The following NPEPPS variants were observed in gnomAD, a reference collection of about 807,000 sequenced individuals.
NPEPPS encodes aminopeptidase puromycin sensitive.
A neutral mutation model predicts 115.5 loss-of-function variants in NPEPPS; 14 were observed. The observed-to-expected ratio is 0.12, with a 90% CI of 0.08 to 0.19. The LOEUF (loss-of-function observed/expected upper bound fraction) is 0.19. Ranked by LOEUF, NPEPPS falls within the 10% of genes least tolerant of loss-of-function variation. NPEPPS has a pLI of 1.00. For synonymous variants in NPEPPS, 285 were observed against 390.6 expected (o/e 0.73, Z 3.19); for missense variants, 523 against 1,110.8 (o/e 0.47, Z 7.52).
intron 19 of NPEPPS, 47 bp from the exon 20 acceptor site, chr17:47,618,303 A>G (rs1305212404): frequency 7.8e-7 from 1 of 1,284,484 alleles, no homozygotes; most frequent in African/African-American, 1.5e-5. Flanking sequence ...TATGCAGAAC[A>G]TCCAAGGGAG....
chr17:47,526,846 T>A (rs1907454763), upstream of NPEPPS, among the ~76,000 whole-genome samples: 1 of 152,166 alleles, frequency 6.6e-6, no homozygotes, highest in South Asian at 2.1e-4. Flanking sequence ...TAGTCCCAGC[T>A]ACTCGCGAGG....
Position 47,531,379 on chromosome 17 carries a change from C to G in NPEPPS, c.79C>G (p.Leu27Val), listed in dbSNP as rs1907751459. Residue 27 changes from leucine (L) to valine (V), a missense_variant, in exon 1 of 23, where the codon CTC becomes GTC. Leu to Val is a conservative substitution (Grantham distance 32). Coordinates refer to ENST00000322157, the MANE Select transcript of NPEPPS (RefSeq NM_006310.4). ...CCCTCCGCCTCCTCCCCTCCTCCTTCTCGTCTTCAGCCGCTCCTCTCGCCG... is the reference window on the plus strand; with the variant it reads ...CCCTCCGCCTCCTCCCCTCCTCCTTGTCGTCTTCAGCCGCTCCTCTCGCCG... ...LGPPPPPLLL[L>V]VFSRSSRRRL... 2 of 1,542,050 alleles carry G rather than the reference C, an allele frequency of 1.3e-6. No homozygotes were observed. Among genetic ancestry groups the G allele is most frequent in the East Asian group, 4.9e-5 (2 of 40,700 alleles).
At chr17:47,538,522 T>G (rs1418038590) in intron 1 of NPEPPS, among the ~76,000 whole-genome samples, 2 of 146,034 alleles carry the variant, frequency 1.4e-5, no homozygotes, top group Non-Finnish European at 3.0e-5. Flanking sequence ...TCCATATCTG[T>G]TTTCTTTTTT....
chr17:47,535,528 T>C (rs1467694691), intron 1 of NPEPPS, among the ~76,000 whole-genome samples: 10 of 138,198 alleles, frequency 7.2e-5, no homozygotes, highest in Non-Finnish European at 1.1e-4. Flanking sequence ...CCAGCCTGGG[T>C]GACAGAGCGA....
chr17:47,573,014 G>A (rs1911293781), intron 3 of NPEPPS, among the ~76,000 whole-genome samples: 1 of 152,152 alleles, frequency 6.6e-6, no homozygotes, highest in Non-Finnish European at 1.5e-5. Flanking sequence ...GACCTTAGGT[G>A]ATCTGCCCAC....
chr17:47,557,232 CA>C (rs1394949367), intron 2 of NPEPPS, among the ~76,000 whole-genome samples: 83 of 152,058 alleles, frequency 5.5e-4, no homozygotes, highest in African/African-American at 2.0e-3. Context: ...CATGTGCCAC[CA>C]CACCCAGCTA....
At chr17:47,615,045 C>T (rs1914105531) in intron 19 of NPEPPS, among the ~76,000 whole-genome samples, 1 of 150,784 alleles carries the variant, frequency 6.6e-6, no homozygotes, top group Non-Finnish European at 1.5e-5. Context: ...TACTGCTTTA[C>T]CCATGTTGTA....
chr17:47,601,701 A>G lies in NPEPPS; in HGVS notation c.1694A>G (p.Glu565Gly), dbSNP rs1410240001. Residue 565 changes from glutamate to glycine, a missense_variant, in exon 15 of 23, where the codon GAG becomes GGG. Physicochemically the swap from Glu to Gly is moderately conservative, Grantham distance 98. This residue lies in a region of NPEPPS where 372 missense variants were observed against 542.6 expected (regional missense o/e 0.69). Transcript: ENST00000322157. ...AKLKILMDKP[E>G]MNVVLKNVKP... ...CTAAAAATTCTAATGGACAAGCCAG[A>G]GATGAATGTGGTTTTGAAAAATGTC... 1 of 1,613,572 alleles carries G rather than the reference A, an allele frequency of 6.2e-7. No homozygotes were observed. The highest frequency in any genetic ancestry group is 1.3e-5 in the African/African-American group (1 of 74,910).
chr17:47,534,147 A>G (rs1908021362), intron 1 of NPEPPS, among the ~76,000 whole-genome samples: 1 of 152,002 alleles, frequency 6.6e-6, no homozygotes, highest in African/African-American at 2.4e-5. Flanking sequence ...GCTGGAGTGC[A>G]GTGGCACGAT....
intron 1 of NPEPPS, among the ~76,000 whole-genome samples, chr17:47,535,476 G>A (rs190825568): frequency 0.098 from 14,707 of 150,000 alleles, 905 homozygotes; most frequent in Middle Eastern, 0.14. Flanking sequence ...GTGTGAACCC[G>A]GGAGGCGGAG....
At chr17:47,525,220 T>C (rs1215301515) in intron 1 of NPEPPS, among the ~76,000 whole-genome samples, 4 of 152,204 alleles carry the variant, frequency 2.6e-5, no homozygotes, top group African/African-American at 7.2e-5. Flanking sequence ...GGGTTTATTC[T>C]TGACTTGCTG....
intron 1 of NPEPPS, among the ~76,000 whole-genome samples, chr17:47,524,971 G>C (rs1006002031): frequency 4.6e-5 from 7 of 151,540 alleles, no homozygotes; most frequent in African/African-American, 1.7e-4. Flanking sequence ...ATTTTCAAAG[G>C]TGTGGTAAAC....
At chr17:47,588,480 C>G (rs1912321572) in intron 9 of NPEPPS, among the ~76,000 whole-genome samples, 1 of 151,852 alleles carries the variant, frequency 6.6e-6, no homozygotes, top group Non-Finnish European at 1.5e-5. Flanking sequence ...AGAAGAATCA[C>G]TTGAACCTGG....
rs1472815425 is a variant in NPEPPS, at chr17:47,531,492, C to G, written c.192C>G (p.Ser64Arg). The G allele has an allele frequency of 1.9e-6, 3 of 1,608,550 alleles. No homozygotes were observed. The highest frequency in any genetic ancestry group is 2.5e-6 in the Non-Finnish European group (3 of 1,178,418). Residue 64 changes from serine to arginine, a missense_variant, in exon 1 of 23, where the codon AGC (serine) becomes AGG (arginine). Physicochemically the swap from Ser to Arg is moderately radical, Grantham distance 110. This residue lies in a region of NPEPPS where 144 missense variants were observed against 512.4 expected (regional missense o/e 0.28). Transcript: ENST00000322157. Reference protein sequence around the residue: ...LPADVSPINYSLCLKPDLLDF... With the variant: ...LPADVSPINYRLCLKPDLLDF... ...CCGATGTCTCCCCCATCAACTACAG[C>G]CTTTGCCTCAAGCCCGACTTGCTGG...
At chr17:47,566,893 G>T (rs1391219082) in intron 2 of NPEPPS, among the ~76,000 whole-genome samples, 1 of 151,976 alleles carries the variant, frequency 6.6e-6, no homozygotes, top group Non-Finnish European at 1.5e-5. Context: ...TGGACAACAT[G>T]GGGAAACCCC....
chr17:47,563,692 T>G (rs1259754561), intron 2 of NPEPPS, among the ~76,000 whole-genome samples: 1 of 151,906 alleles, frequency 6.6e-6, no homozygotes, highest in South Asian at 2.1e-4. Flanking sequence ...TGCCTCAGCC[T>G]CCTGAGTAGC....
At chr17:47,614,683 G>A (rs1914079333) in intron 19 of NPEPPS, among the ~76,000 whole-genome samples, 1 of 152,210 alleles carries the variant, frequency 6.6e-6, no homozygotes, top group Admixed American at 6.5e-5. Context: ...TATTCATACA[G>A]TTCCGGTCTA....
chr17:47,533,447 A>G (rs1361453994), intron 1 of NPEPPS, among the ~76,000 whole-genome samples: 2 of 151,908 alleles, frequency 1.3e-5, no homozygotes, highest in Admixed American at 1.3e-4. Flanking sequence ...TGACTTGGCA[A>G]ACCTTTGGGA....
chr17:47,570,842 G>A (rs1203709217), intron 3 of NPEPPS, among the ~76,000 whole-genome samples: 1 of 152,170 alleles, frequency 6.6e-6, no homozygotes, highest in Non-Finnish European at 1.5e-5. Context: ...GATATCGCTG[G>A]GGGAAGTATA....
Sources: gnomAD v4.1 joint callset for allele counts (sites outside exome capture counted in the v4.1 genomes callset) on GRCh38, gnomAD v4.1.1 for gene constraint, gnomAD v4.1.1 regional missense constraint, MANE v1.5 for transcripts, NCBI Gene and HGNC (gene_info 2026-07-23, HGNC 2026-07-21) for gene names.